EXOSC10: variants seen among roughly 807,000 people sequenced by gnomAD.
The protein encoded by EXOSC10 is exosome complex component 10.
Under a neutral mutation model 126.6 loss-of-function variants are expected in EXOSC10, and 94 were observed. The observed-to-expected ratio is 0.74, with a 90% confidence interval of 0.63 to 0.88. The LOEUF is 0.88. EXOSC10 is among the 40% of genes least tolerant of loss of function. The pLI is 0.00. For missense variants in EXOSC10, 1,041 were observed against 1,100.5 expected, an observed-to-expected ratio of 0.95 and a Z score of 0.77; for synonymous variants, 395 against 400.8, an observed-to-expected ratio of 0.99 and a Z score of 0.17.
intron 24 of EXOSC10, 23 bp from the exon 25 acceptor site, chr1:11,066,771 A>C: frequency 6.2e-7 from 1 of 1,613,930 alleles, no homozygotes; most frequent in Non-Finnish European, 8.5e-7. Context: ...CAAAAACAAC[A>C]GTTATTTCTT....
At position 11,077,435 on chromosome 1, in the gene EXOSC10, C is replaced by T; in HGVS notation, c.1809G>A (p.Glu603=). 6.2e-7 allele frequency: 1 copy of T among 1,613,962 alleles called. No individual in the cohort carries two copies. Among genetic ancestry groups the T allele is most frequent in the South Asian group, 1.1e-5 (1 of 91,064 alleles). ...SGPLPSAERL[E]NVLFGPHDCS... is the part of the protein sequence containing the mutation. ...AGTCGTGAGGTCCAAAGAGAACATT[C>T]TCCAATCTCTGCATTAAAAGACACC... is the stretch of plus-strand genomic sequence containing the variant. The change falls in exon 16 of 25, where the codon GAG becomes GAA. Residue 603 remains glutamate, a synonymous_variant. Coordinates refer to ENST00000376936, the MANE Select transcript of EXOSC10 (RefSeq NM_001001998.3).
intron 9 of EXOSC10, among the ~76,000 whole-genome samples, chr1:11,084,807 G>T (rs935929260): frequency 6.6e-6 from 1 of 152,138 alleles, no homozygotes; most frequent in African/African-American, 2.4e-5. Context: ...TTTTGTATAA[G>T]GTGTAAGGAA....
In EXOSC10 at chr1:11,094,761, C is replaced by A. The variant is rs555714813; in HGVS notation, c.372+997G>T. On this transcript the variant is annotated intron_variant, in intron 3 of 24. Transcript: ENST00000376936. ...AATGACAGGTGTGTGCCACCATGGC[C>A]TGGCTAGTTTTTATATTTTAGTAGA... 2.0e-5 allele frequency among the ~76,000 whole-genome samples: 3 copies of A among 152,202 alleles called. No homozygotes were observed. In the South Asian group the frequency reaches 6.2e-4, roughly 32 times the overall value.
At chr1:11,072,246 T>C in intron 19 of EXOSC10, 75 bp from the exon 20 acceptor site, 1 of 1,067,314 alleles carries the variant, frequency 9.4e-7, no homozygotes, top group Non-Finnish European at 1.4e-6. Flanking sequence ...TTTCATGAGG[T>C]GACGAAGGGC....
At chr1:11,086,426 T>C (rs1640497069) in intron 9 of EXOSC10, among the ~76,000 whole-genome samples, 1 of 152,230 alleles carries the variant, frequency 6.6e-6, no homozygotes, top group Non-Finnish European at 1.5e-5. Flanking sequence ...TTTGTAGTAA[T>C]CTCTGATGGT....
Position 11,079,734 on chromosome 1 carries a change from C to T in EXOSC10, c.1726G>A (p.Ala576Thr), listed in dbSNP as rs1343871733. ...ACCTTGAGCAGGGGCATCTCTCGGG[C>T]CTGCTGGATTAAAAGGTGCATTTCG... Reference protein sequence around the residue: ...INEMHLLIQQAREMPLLKSEV... With the variant: ...INEMHLLIQQTREMPLLKSEV... The change falls in exon 14 of 25, where the codon GCC becomes ACC. Residue 576 changes from alanine to threonine, a missense_variant. By Grantham distance (58) the Ala-to-Thr change is moderately conservative (BLOSUM62 0). Coordinates refer to ENST00000376936, the MANE Select transcript of EXOSC10 (RefSeq NM_001001998.3). 1.2e-6 allele frequency: 2 copies of T among 1,613,828 alleles called. No homozygotes were observed. The highest frequency in any genetic ancestry group is 3.3e-5 in the Admixed American group (2 of 60,002).
At chr1:11,073,287 G>A (rs943197150) in intron 19 of EXOSC10, among the ~76,000 whole-genome samples, 2 of 151,978 alleles carry the variant, frequency 1.3e-5, no homozygotes, top group Non-Finnish European at 2.9e-5. Context: ...CGCCTGCCAC[G>A]ACGCCTGGCT....
chr1:11,099,399 C>A (rs540904662), intron 1 of EXOSC10, among the ~76,000 whole-genome samples: 43 of 152,232 alleles, frequency 2.8e-4, no homozygotes, highest in African/African-American at 1.0e-3. Flanking sequence ...GAGAGCTGGT[C>A]GGGTGGCTAG....
chr1:11,069,683 C>T lies in EXOSC10; in HGVS notation c.2364G>A (p.Arg788=). 1.3e-6 allele frequency: 2 copies of T among 1,597,040 alleles called. No individual in the cohort carries two copies. The highest frequency in any genetic ancestry group is 1.7e-6 in the Non-Finnish European group (2 of 1,171,320). Residue 788 remains arginine, a synonymous_variant, in exon 22 of 25, where the codon AGG becomes AGA. Coordinates refer to ENST00000376936, the MANE Select transcript of EXOSC10 (RefSeq NM_001001998.3). The part of the protein sequence containing the change: ...KKRERATSDP[R]TTEQKQEKKR... The stretch of plus-strand genomic sequence containing the variant: ...TCTTCTCTTGTTTCTGTTCTGTGGT[C>T]CTTGGGTCGCTTGTTGCTCGCTCTC...
intron 3 of EXOSC10, among the ~76,000 whole-genome samples, chr1:11,094,297 T>G (rs960378429): frequency 3.3e-4 from 48 of 145,138 alleles, no homozygotes; most frequent in African/African-American, 1.2e-3. Flanking sequence ...CACTTTAACT[T>G]TTTTTTTTTT....
intron 8 of EXOSC10, 45 bp from the exon 9 acceptor site, chr1:11,087,636 T>C: frequency 6.2e-7 from 1 of 1,602,984 alleles, no homozygotes; most frequent in Non-Finnish European, 8.5e-7. Flanking sequence ...ACAAAGATTA[T>C]ATTAGACTTT....
chr1:11,072,255 G>A, intron 19 of EXOSC10, 84 bp from the exon 20 acceptor site: 1 of 976,772 alleles, frequency 1.0e-6, no homozygotes, highest in Non-Finnish European at 1.6e-6. Context: ...GTGACGAAGG[G>A]CAGGTTAACC....
intron 3 of EXOSC10, among the ~76,000 whole-genome samples, chr1:11,092,352 C>T (rs1640853128): frequency 1.3e-5 from 2 of 152,004 alleles, no homozygotes; most frequent in African/African-American, 4.8e-5. Flanking sequence ...GTAATTGGGA[C>T]TACAGGCATG....
chr1:11,071,092 C>A, intron 20 of EXOSC10, 119 bp from the exon 21 acceptor site: 2 of 817,488 alleles, frequency 2.4e-6, no homozygotes, highest in Non-Finnish European at 2.0e-6. Flanking sequence ...TTCCTCCTCC[C>A]TCTCAGGTCC....
At chr1:11,093,462 C>A (rs1490480244) in intron 3 of EXOSC10, among the ~76,000 whole-genome samples, 1 of 152,168 alleles carries the variant, frequency 6.6e-6, no homozygotes, top group Non-Finnish European at 1.5e-5. Flanking sequence ...CCAGAAACTG[C>A]TGAAAGATTT....
chr1:11,090,430 G>C, intron 6 of EXOSC10, 124 bp downstream of exon 6: 1 of 792,556 alleles, frequency 1.3e-6, no homozygotes, highest in Non-Finnish European at 2.2e-6. Flanking sequence ...TAAGGCCCAG[G>C]TTGGGGTGTA....
chr1:11,095,731 A>G, intron 3 of EXOSC10, 27 bp downstream of exon 3: 1 of 1,610,292 alleles, frequency 6.2e-7, no homozygotes. Context: ...AAACAAAACA[A>G]AAAAAAGAGT....
rs1639201502 is a variant in EXOSC10, at chr1:11,067,903, A to T, written c.2627+105T>A. 8.8e-6 allele frequency: 8 copies of T among 909,248 alleles called. No homozygotes were observed. In the Admixed American group the frequency reaches 1.9e-4, roughly 21 times the overall value. The allele number at this position is 909,248 out of a possible 1,614,324, so 56.3% of individuals were successfully genotyped here. On this transcript the variant is annotated intron_variant, in intron 24 of 24. Transcript: ENST00000376936. ...AGGTTCTCTGAGTCATCCTGGTTGAAGACCCCTGGACACTCGCTCCCCAGC... is the reference window on the plus strand; with the variant it reads ...AGGTTCTCTGAGTCATCCTGGTTGATGACCCCTGGACACTCGCTCCCCAGC...
At chr1:11,074,114 G>T in intron 18 of EXOSC10, 106 bp from the exon 19 acceptor site, 4 of 1,388,982 alleles carry the variant, frequency 2.9e-6, no homozygotes, top group Non-Finnish European at 4.1e-6. Context: ...CAGCGTCTTT[G>T]CCAGGACACC....
Sources: allele counts gnomAD v4.1 joint callset (sites outside exome capture counted in the v4.1 genomes callset), GRCh38; gene constraint gnomAD v4.1.1; transcripts MANE v1.5; gene names NCBI Gene and HGNC (gene_info 2026-07-23, HGNC 2026-07-21).